Variants in CLTCL1 observed in about 807,000 individuals in gnomAD.
CLTCL1 encodes the protein clathrin heavy chain 2.
CLTCL1 carries 159 observed loss-of-function variants against 190.0 expected under a neutral mutation model. The observed-to-expected ratio is 0.84, with a 90% confidence interval of 0.74 to 0.95. The LOEUF (loss-of-function observed/expected upper bound fraction) is 0.95. Ranked by LOEUF, CLTCL1 falls within the 40% of genes least tolerant of loss-of-function variation. The pLI is 0.00. For missense variants in CLTCL1, 1,878 were observed against 2,033.4 expected, an observed-to-expected ratio of 0.92 and a Z score of 1.47; for synonymous variants, 752 against 769.6, an observed-to-expected ratio of 0.98 and a Z score of 0.38.
intron 19 of CLTCL1, among the ~76,000 whole-genome samples, chr22:19,214,505 AT>A (rs1278868568): frequency 1.3e-5 from 2 of 152,078 alleles, no homozygotes; most frequent in Non-Finnish European, 2.9e-5. Flanking sequence ...TCTTCCCCGC[AT>A]TTGTAGCTTC....
chr22:19,284,737 C>T (rs940567191), intron 1 of CLTCL1, among the ~76,000 whole-genome samples: 3 of 151,888 alleles, frequency 2.0e-5, no homozygotes, highest in African/African-American at 4.8e-5. Flanking sequence ...GGGCGGATCA[C>T]GAGGTCAAGA....
rs535576673 is a variant in CLTCL1, at chr22:19,237,904, C to G, written c.795+1371G>C. On this transcript the variant is annotated intron_variant, in intron 5 of 32. Transcript: ENST00000427926. ...CAGGTGATATTTAATCCTGCTGTTA[C>G]ATTTATTGATATTATTAGAAATGTA... Among the ~76,000 whole-genome samples, 54 of 152,212 alleles carry G rather than the reference C, an allele frequency of 3.5e-4. No individual in the cohort carries two copies. The South Asian group carries it at 0.011, about 31-fold the overall frequency.
chr22:19,254,081 C>T lies in CLTCL1; in HGVS notation c.397G>A (p.Glu133Lys), dbSNP rs782005772. 2.4e-5 allele frequency: 38 copies of T among 1,612,448 alleles called. No individual in the cohort carries two copies. The highest frequency in any genetic ancestry group is 3.1e-5 in the Non-Finnish European group (36 of 1,179,212). The change falls in exon 3 of 33, where the codon GAA becomes AAA. Residue 133 changes from glutamate (E) to lysine (K), a missense_variant. Glu to Lys is a moderately conservative substitution (Grantham distance 56). Transcript: ENST00000427926. ...ATCTTCATGGGCTGGGAGTCACCTT[C>T]CATGCTCCAGTGGTAGACCGCGGTC... ...TETAVYHWSM[E>K]GDSQPMKMFD...
chr22:19,195,311 C>T (rs2084660177), intron 26 of CLTCL1, among the ~76,000 whole-genome samples: 1 of 152,176 alleles, frequency 6.6e-6, no homozygotes, highest in African/African-American at 2.4e-5. Context: ...TTTCACGTAC[C>T]ACCATGCCCA....
intron 1 of CLTCL1, among the ~76,000 whole-genome samples, chr22:19,288,338 T>A (rs1199554448): frequency 6.6e-6 from 1 of 152,294 alleles, no homozygotes; most frequent in South Asian, 2.1e-4. Context: ...TATGTATGCA[T>A]AGGGAAAAAA....
intron 32 of CLTCL1, 45 bp from the exon 33 acceptor site, chr22:19,180,014 T>G (rs1322887654): frequency 9.9e-6 from 6 of 606,772 alleles, no homozygotes; most frequent in Non-Finnish European, 1.5e-5. Context: ...TTCCTGCCCA[T>G]GGGGGTCCTC....
At chr22:19,232,684 T>A in intron 9 of CLTCL1, 86 bp from the exon 10 acceptor site, 1 of 1,492,868 alleles carries the variant, frequency 6.7e-7, no homozygotes. Context: ...TGTTTTAAAC[T>A]CGTGTTAACA....
At chr22:19,180,616 G>A in intron 31 of CLTCL1, 115 bp downstream of exon 31, 1 of 1,005,240 alleles carries the variant, frequency 9.9e-7, no homozygotes, top group Non-Finnish European at 1.5e-6. Flanking sequence ...GATCCTTCCA[G>A]CCCCCACCCA....
At chr22:19,262,889 G>C (rs1242205914) in intron 2 of CLTCL1, among the ~76,000 whole-genome samples, 1 of 151,790 alleles carries the variant, frequency 6.6e-6, no homozygotes, top group Non-Finnish European at 1.5e-5. Flanking sequence ...AAATTAGCTG[G>C]GCGTGGTCGC....
intron 2 of CLTCL1, chr22:19,258,400 CA>C: frequency 2.4e-6 from 1 of 410,688 alleles, no homozygotes; most frequent in Admixed American, 3.1e-5. Context: ...GCTGAGATAA[CA>C]CTCACAGAGC....
chr22:19,276,666 C>CTTAT (rs1300450069), intron 1 of CLTCL1, among the ~76,000 whole-genome samples: 271 of 152,062 alleles, frequency 1.8e-3, no homozygotes, highest in Non-Finnish European at 2.8e-3. Flanking sequence ...TACTTATTTA[C>CTTAT]TTATTTATTT....
At position 19,202,080 on chromosome 22, in the gene CLTCL1, G is replaced by A. The variant is rs568442915; in HGVS notation, c.3601-587C>T. 6.6e-5 allele frequency among the ~76,000 whole-genome samples: 10 copies of A among 152,022 alleles called. No individual in the cohort carries two copies. In the South Asian group the frequency reaches 1.2e-3, roughly 19 times the overall value. ...CACTGCCCAGCTCGCCATCCTGAGC[G>A]CCTCAACTCCACCAGTCCAGTGACT... is the stretch of plus-strand genomic sequence containing the variant. On this transcript the variant is annotated intron_variant, in intron 22 of 32. Coordinates refer to ENST00000427926, the MANE Select transcript of CLTCL1 (RefSeq NM_007098.4).
At position 19,238,182 on chromosome 22, in the gene CLTCL1, T is replaced by C. The variant is rs5748059; in HGVS notation, c.795+1093A>G. Among the ~76,000 whole-genome samples, 1,432 of 152,248 alleles carry C rather than the reference T, an allele frequency of 9.4e-3. 34 individuals carry two copies. The highest frequency in any genetic ancestry group is 0.068 in the East Asian group (352 of 5,188). On this transcript the variant is annotated intron_variant, in intron 5 of 32. Transcript: ENST00000427926. ...TTGCCTCACTGCACTCTCTGCCTCC[T>C]GGGTTCTAGAAATTCTCCTGCCTCA...
At chr22:19,183,066 C>A in intron 30 of CLTCL1, 1 of 324,144 alleles carries the variant, frequency 3.1e-6, no homozygotes, top group South Asian at 3.3e-5. Flanking sequence ...CTCACTGTCA[C>A]CTTGTTGAAG....
intron 5 of CLTCL1, among the ~76,000 whole-genome samples, chr22:19,236,773 T>C (rs2086094717): frequency 6.6e-6 from 1 of 152,040 alleles, no homozygotes; most frequent in Non-Finnish European, 1.5e-5. Flanking sequence ...GTAGCAAGAC[T>C]CCAACTCTAG....
chr22:19,235,742 G>A lies in CLTCL1; in HGVS notation c.923C>T (p.Pro308Leu). ...ISADTIFVTA[P>L]HKPTSGIIGV... is the part of the protein sequence containing the mutation. ...AATAATTCCAGAGGTTGGTTTGTGT[G>A]GAGCAGTGACAAATATTGTGTCAGC... is the stretch of plus-strand genomic sequence containing the variant. The change falls in exon 6 of 33, where the codon CCA becomes CTA. Residue 308 changes from proline (P) to leucine (L), a missense_variant. By Grantham distance (98) the Pro-to-Leu change is moderately conservative. Transcript: ENST00000427926. 5 of 1,613,994 alleles carry A rather than the reference G, an allele frequency of 3.1e-6. No individual in the cohort carries two copies. Among genetic ancestry groups the A allele is most frequent in the Non-Finnish European group, 4.2e-6 (5 of 1,179,880 alleles).
Position 19,254,172 on chromosome 22 carries a change from A to G in CLTCL1, c.306T>C (p.His102=). 4 of 1,613,906 alleles carry G rather than the reference A, an allele frequency of 2.5e-6. No homozygotes were observed. The highest frequency in any genetic ancestry group is 1.1e-5 in the South Asian group (1 of 91,076). The part of the protein sequence containing the change: ...NIEMKSKMKA[H]TMAEEVIFWK... ...AGAAAATCACTTCTTCTGCCATAGT[A>G]TGAGCCTTCATTTTACTCTTCATCT... Residue 102 remains histidine, a synonymous_variant, in exon 3 of 33, where the codon CAT becomes CAC. Transcript: ENST00000427926.
intron 2 of CLTCL1, among the ~76,000 whole-genome samples, chr22:19,256,361 T>A (rs2800992): frequency 0.054 from 7,471 of 139,424 alleles, 205 homozygotes; most frequent in Middle Eastern, 0.15. Flanking sequence ...TATCTTTTTT[T>A]TTTTTTTTTT....
chr22:19,272,393 T>C (rs1264369695), intron 2 of CLTCL1, among the ~76,000 whole-genome samples: 1 of 152,162 alleles, frequency 6.6e-6, no homozygotes, highest in East Asian at 1.9e-4. Flanking sequence ...TCTGAGCACT[T>C]GGGAGTTCAC....
Sources: gnomAD v4.1 joint callset for allele counts (sites outside exome capture counted in the v4.1 genomes callset) on GRCh38, gnomAD v4.1.1 for gene constraint, MANE v1.5 for transcripts, NCBI Gene and HGNC (gene_info 2026-07-23, HGNC 2026-07-21) for gene names.